Variants in FYTTD1 observed in about 807,000 individuals in gnomAD.
The protein encoded by FYTTD1 is UAP56-interacting factor.
A neutral mutation model predicts 40.9 loss-of-function variants in FYTTD1; 22 were observed. The observed-to-expected ratio is 0.54, with a 90% CI of 0.38 to 0.77. The LOEUF (loss-of-function observed/expected upper bound fraction) is 0.77, where lower values mean the gene tolerates loss of function less well. FYTTD1 is among the 30% of genes least tolerant of loss of function. The pLI is 0.00. For missense variants in FYTTD1, 351 were observed against 392.2 expected (o/e 0.90, Z 0.89); for synonymous variants, 140 against 137.9 (o/e 1.01, Z -0.10).
rs1436554192 is a variant in FYTTD1, at chr3:197,784,809, A to C, written c.*2900A>C. ...CTGTCTTAAAAAAACAAAAAAAAAGAATCCAGTATACTTTGCAATGCAGAA... is the reference window on the plus strand; with the variant it reads ...CTGTCTTAAAAAAACAAAAAAAAAGCATCCAGTATACTTTGCAATGCAGAA... On this transcript the variant is annotated 3_prime_UTR_variant, in exon 9 of 9. Transcript: ENST00000241502. The C allele has an allele frequency of 6.6e-6, 1 of 152,082 alleles. No homozygotes were observed. Among genetic ancestry groups the C allele is most frequent in the Non-Finnish European group, 1.5e-5 (1 of 68,014 alleles). 9.4% of individuals were successfully genotyped at this position (152,082 alleles called of 1,614,324 possible).
At chr3:197,751,197 A>G (rs895497209) in intron 1 of FYTTD1, among the ~76,000 whole-genome samples, 1 of 152,026 alleles carries the variant, frequency 6.6e-6, no homozygotes, top group Non-Finnish European at 1.5e-5. Context: ...GTTTATCTGG[A>G]ACGTTTTTGG....
intron 3 of FYTTD1, 95 bp from the exon 4 acceptor site, chr3:197,770,037 G>C: frequency 1.4e-6 from 1 of 728,666 alleles, no homozygotes; most frequent in Non-Finnish European, 2.3e-6. Context: ...TCAAGCAGTT[G>C]TCAATCCTTG....
intron 2 of FYTTD1, among the ~76,000 whole-genome samples, chr3:197,760,333 A>G (rs570432250): frequency 1.3e-5 from 2 of 151,900 alleles, no homozygotes; most frequent in African/African-American, 2.4e-5. Context: ...TAGAATGTAT[A>G]GAGTTGTTTT....
rs1730041836 is a variant in FYTTD1, at chr3:197,782,039, G to T, written c.*130G>T. On this transcript the variant is annotated 3_prime_UTR_variant, in exon 9 of 9. Transcript: ENST00000241502. ...CTAAATAACTCTTATTTTTATTTTT[G>T]AAGGTTTTTTTTTTTAAAAAAAAAA... is the stretch of plus-strand genomic sequence containing the variant. 1.4e-5 allele frequency: 6 copies of T among 436,932 alleles called. No homozygotes were observed. Among genetic ancestry groups the T allele is most frequent in the Admixed American group, 4.3e-5 (1 of 23,406 alleles). The allele number at this position is 436,932 out of a possible 1,614,324, so 27.1% of individuals were successfully genotyped here.
intron 2 of FYTTD1, among the ~76,000 whole-genome samples, chr3:197,766,012 G>A (rs1729533553): frequency 1.3e-5 from 2 of 150,214 alleles, no homozygotes; most frequent in Admixed American, 1.3e-4. Flanking sequence ...ATATGTATAT[G>A]TATAACTGGG....
chr3:197,750,507 A>G, intron 1 of FYTTD1: 1 of 986,696 alleles, frequency 1.0e-6, no homozygotes, highest in Non-Finnish European at 1.2e-6. Context: ...GTTCTCTCTG[A>G]AGAAAGGTCT....
At position 197,768,453 on chromosome 3, in the gene FYTTD1, A is replaced by T; in HGVS notation, c.250A>T (p.Ser84Cys). 3 of 1,610,742 alleles carry T rather than the reference A, an allele frequency of 1.9e-6. No homozygotes were observed. Among genetic ancestry groups the T allele is most frequent in the Non-Finnish European group, 1.7e-6 (2 of 1,177,578 alleles). Residue 84 changes from serine (S) to cysteine (C), a missense_variant, in exon 3 of 9, where the codon AGT (serine) becomes TGT (cysteine). By Grantham distance (112) the Ser-to-Cys change is moderately radical. Coordinates refer to ENST00000241502, the MANE Select transcript of FYTTD1 (RefSeq NM_032288.7). The stretch of plus-strand genomic sequence containing the variant: ...CCCTCCTATAGGTTTTGGTAAGACT[A>T]GTCTGAATCGTAGAGGAAGAGTAAT... ...IQQNSGFGKTSLNRRGRVMPG... is the reference protein window; with the variant it reads ...IQQNSGFGKTCLNRRGRVMPG...
In FYTTD1 at chr3:197,787,536, T is replaced by G. The variant is rs890360575; in HGVS notation, c.*5627T>G. 6.6e-6 allele frequency: 1 copy of G among 152,262 alleles called. No homozygotes were observed. The highest frequency in any genetic ancestry group is 1.9e-4 in the East Asian group (1 of 5,204). 9.4% of individuals were successfully genotyped at this position (152,262 alleles called of 1,614,324 possible). ...AACTATTAAGATTTGAGTGAAACTT[T>G]TGCCCCCTGTGTTGAATGAGTTAAC... On this transcript the variant is annotated 3_prime_UTR_variant, in exon 9 of 9. Transcript: ENST00000241502.
intron 6 of FYTTD1, among the ~76,000 whole-genome samples, chr3:197,775,934 C>G (rs2109053049): frequency 6.6e-6 from 1 of 152,146 alleles, no homozygotes; most frequent in South Asian, 2.1e-4. Flanking sequence ...ATGTAAATGT[C>G]CGATTTTGAC....
At chr3:197,757,377 A>G (rs143512323) in intron 2 of FYTTD1, among the ~76,000 whole-genome samples, 4 of 152,266 alleles carry the variant, frequency 2.6e-5, no homozygotes, top group African/African-American at 9.6e-5. Flanking sequence ...ATGTTTGACA[A>G]ACTAACTTCC....
At chr3:197,781,182 C>T (rs746012553) in intron 8 of FYTTD1, among the ~76,000 whole-genome samples, 3 of 152,000 alleles carry the variant, frequency 2.0e-5, no homozygotes, top group Non-Finnish European at 4.4e-5. Flanking sequence ...GGTGTGGTAG[C>T]ACGTGCCTGT....
At chr3:197,775,463 C>T (rs183619754) in intron 6 of FYTTD1, among the ~76,000 whole-genome samples, 105 of 151,894 alleles carry the variant, frequency 6.9e-4, no homozygotes, top group African/African-American at 2.3e-3. Flanking sequence ...TTCAGTCGGC[C>T]CTCCATATCC....
intron 4 of FYTTD1, among the ~76,000 whole-genome samples, chr3:197,772,268 A>T (rs1382993058): frequency 6.6e-6 from 1 of 152,196 alleles, no homozygotes; most frequent in Non-Finnish European, 1.5e-5. Context: ...TTTGAACTTG[A>T]ATCTCTGAAA....
chr3:197,769,921 C>T (rs1216113178), intron 3 of FYTTD1, among the ~76,000 whole-genome samples: 6 of 152,006 alleles, frequency 3.9e-5, no homozygotes, highest in Non-Finnish European at 7.4e-5. Context: ...GTGGGTCCCC[C>T]GAGTACCTCA....
rs1412383955 is a variant in FYTTD1, at chr3:197,750,784, T to G, written c.103+710T>G. 3 of 985,364 alleles carry G rather than the reference T, an allele frequency of 3.0e-6. No individual in the cohort carries two copies. In the African/African-American group the frequency reaches 5.2e-5, roughly 17 times the overall value. The allele number at this position is 985,364 out of a possible 1,614,324, so 61.0% of individuals were successfully genotyped here. A position where few individuals can be genotyped will look rare whatever the true frequency, so the allele number is the denominator to read the frequency against. On this transcript the variant is annotated intron_variant, in intron 1 of 8. Transcript: ENST00000241502. ...TAATGGGGGAGAAAGCAAACATCTT[T>G]GAAGGAGAGATGATTGCTGTGGCTC...
intron 4 of FYTTD1, among the ~76,000 whole-genome samples, chr3:197,771,960 G>A (rs1272154154): frequency 1.3e-5 from 2 of 151,874 alleles, no homozygotes; most frequent in African/African-American, 4.8e-5. Flanking sequence ...TGGACGTGGT[G>A]GTTCATGCCT....
rs757725379 is a variant in FYTTD1 at position 197,749,963 on chromosome 3, T to C, written c.-9T>C. On this transcript the variant is annotated 5_prime_UTR_variant, in exon 1 of 9. Coordinates refer to ENST00000241502, the MANE Select transcript of FYTTD1 (RefSeq NM_032288.7). ...GTCCGCGCCCGCTCTCGGCGCGACG[T>C]CTCCAGCCATGAACCGGTTTGGTAC... is the stretch of plus-strand genomic sequence containing the variant. 2 of 1,558,954 alleles carry C rather than the reference T, an allele frequency of 1.3e-6. No individual in the cohort carries two copies. The highest frequency in any genetic ancestry group is 1.7e-6 in the Non-Finnish European group (2 of 1,152,024).
At chr3:197,776,764 C>T (rs1224796222) in intron 6 of FYTTD1, among the ~76,000 whole-genome samples, 163 bp from the exon 7 acceptor site, 3 of 152,054 alleles carry the variant, frequency 2.0e-5, no homozygotes, top group African/African-American at 4.8e-5. Flanking sequence ...CCCAGTTCCG[C>T]ACCCAAGATG....
Position 197,750,092 on chromosome 3 carries a change from A to T in FYTTD1, c.103+18A>T. On this transcript the variant is annotated intron_variant, in intron 1 of 8. Coordinates refer to ENST00000241502, the MANE Select transcript of FYTTD1 (RefSeq NM_032288.7). ...GTCTTTGGGTGAGGGGCCGAGTTGG[A>T]CCGAGTTGGAGTGCGGGGGAGGGCG... 6.5e-7 allele frequency: 1 copy of T among 1,543,758 alleles called. No homozygotes were observed. The highest frequency in any genetic ancestry group is 2.6e-5 in the East Asian group (1 of 38,000).
Sources: gnomAD v4.1 joint callset for allele counts (sites outside exome capture counted in the v4.1 genomes callset) on GRCh38, gnomAD v4.1.1 for gene constraint, MANE v1.5 for transcripts, NCBI Gene and HGNC (gene_info 2026-07-23, HGNC 2026-07-21) for gene names.